The following USP34 variants were observed in gnomAD, a reference collection of about 807,000 sequenced individuals.
The protein encoded by USP34 is ubiquitin carboxyl-terminal hydrolase 34.
Under a neutral mutation model 460.3 loss-of-function variants are expected in USP34, and 70 were observed. The ratio of observed to expected loss-of-function variants is 0.15; its 90% CI spans 0.13 to 0.19. The LOEUF (loss-of-function observed/expected upper bound fraction) is 0.19. USP34 is among the 10% of genes least tolerant of loss of function. The pLI is 1.00. For synonymous variants in USP34, 1,647 were observed against 1,405.3 expected, an observed-to-expected ratio of 1.17 and a Z score of -3.85; for missense variants, 3,985 against 4,236.2, an observed-to-expected ratio of 0.94 and a Z score of 1.65.
chr2:61,439,614 C>T (rs772833905), intron 1 of USP34, among the ~76,000 whole-genome samples: 1 of 152,156 alleles, frequency 6.6e-6, no homozygotes, highest in African/African-American at 2.4e-5. Flanking sequence ...GGATATCTGA[C>T]GGGGACTCCT....
At chr2:61,422,243 G>T (rs1017321062) in intron 1 of USP34, among the ~76,000 whole-genome samples, 1 of 152,156 alleles carries the variant, frequency 6.6e-6, no homozygotes, top group Non-Finnish European at 1.5e-5. Context: ...ATCACAGTAC[G>T]CCATGCCAGT....
rs901049218 is a variant in USP34 at position 61,222,949 on chromosome 2, G to C, written c.7749+111C>G. ...TAGGCTCAAGCGATCCTCCCGCCTT[G>C]GCCTCCCAAAGTGCTGGGATTACAG... is the stretch of plus-strand genomic sequence containing the variant. On this transcript the variant is annotated intron_variant, in intron 64 of 79. Transcript: ENST00000398571. The C allele has an allele frequency of 4.2e-6, 4 of 948,572 alleles. No individual in the cohort carries two copies. In the East Asian group the frequency reaches 1.1e-4, roughly 25 times the overall value. The allele number at this position is 948,572 out of a possible 1,614,324, so 58.8% of individuals were successfully genotyped here.
At chr2:61,231,383 C>T (rs4671399) in intron 58 of USP34, among the ~76,000 whole-genome samples, 55,139 of 151,704 alleles carry the variant, frequency 0.36, 10,002 homozygotes, top group African/African-American at 0.38. Flanking sequence ...CTAAATTTTA[C>T]ATTTTGAAAG....
rs1032265623 is a variant in USP34 at position 61,303,469 on chromosome 2, T to C, written c.3818-2015A>G. Reference sequence around the variant, plus strand: ...ACTGAATAATCTAATAGCGATACCATTTTATAGTGTATTTTACTTTATTCA... The same window carrying C: ...ACTGAATAATCTAATAGCGATACCACTTTATAGTGTATTTTACTTTATTCA... On this transcript the variant is annotated intron_variant, in intron 27 of 79. Coordinates refer to ENST00000398571, the MANE Select transcript of USP34 (RefSeq NM_014709.4). Among the ~76,000 whole-genome samples, 4 of 152,192 alleles carry C rather than the reference T, an allele frequency of 2.6e-5. No homozygotes were observed. The South Asian group carries it at 8.3e-4, about 32-fold the overall frequency.
intron 30 of USP34, among the ~76,000 whole-genome samples, chr2:61,296,043 G>C (rs1690016869): frequency 6.6e-6 from 1 of 152,178 alleles, no homozygotes; most frequent in Non-Finnish European, 1.5e-5. Context: ...CAGATCATTT[G>C]AAGTCAGGAG....
At chr2:61,204,106 G>A in intron 74 of USP34, 150 bp downstream of exon 74, 4 of 1,057,920 alleles carry the variant, frequency 3.8e-6, no homozygotes, top group Non-Finnish European at 5.4e-6. Flanking sequence ...ACATTTCAGA[G>A]CACTAAAAGG....
intron 41 of USP34, among the ~76,000 whole-genome samples, chr2:61,272,714 C>T (rs1414902678): frequency 6.6e-6 from 1 of 152,142 alleles, no homozygotes; most frequent in African/African-American, 2.4e-5. Context: ...TTTCCCTTAA[C>T]ACTGAAACGA....
At chr2:61,457,569 G>C (rs762731189) in intron 1 of USP34, among the ~76,000 whole-genome samples, 12 of 152,064 alleles carry the variant, frequency 7.9e-5, no homozygotes, top group Non-Finnish European at 1.3e-4. Context: ...CTAATATCAC[G>C]AACTAGTAAA....
At chr2:61,192,263 G>C (rs1053524918) in intron 76 of USP34, among the ~76,000 whole-genome samples, 2 of 152,178 alleles carry the variant, frequency 1.3e-5, no homozygotes, top group Non-Finnish European at 2.9e-5. Flanking sequence ...AAAGGTAGTG[G>C]GGATCCTTTA....
At chr2:61,293,172 C>A (rs954579819) in intron 33 of USP34, among the ~76,000 whole-genome samples, 146 of 151,654 alleles carry the variant, frequency 9.6e-4, no homozygotes, top group Non-Finnish European at 8.8e-4. Context: ...TAAAAAGCAA[C>A]CAAACTTTAT....
intron 18 of USP34, 114 bp downstream of exon 18, chr2:61,339,237 G>C (rs568520847): frequency 1.9e-6 from 2 of 1,031,644 alleles, no homozygotes; most frequent in African/African-American, 3.3e-5. Context: ...CTAAAAAACA[G>C]ATTAATACAG....
intron 1 of USP34, among the ~76,000 whole-genome samples, chr2:61,461,753 A>G (rs997017269): frequency 3.9e-5 from 6 of 152,180 alleles, no homozygotes; most frequent in African/African-American, 1.4e-4. Flanking sequence ...CCTTTCTGGC[A>G]AGCAAACAGT....
At chr2:61,470,624 G>C in intron 1 of USP34, 26 bp downstream of exon 1, 3 of 1,561,136 alleles carry the variant, frequency 1.9e-6, no homozygotes, top group South Asian at 2.2e-5. Flanking sequence ...CGTGCACCCC[G>C]ACAGGCCGCT....
intron 1 of USP34, among the ~76,000 whole-genome samples, chr2:61,431,945 A>T (rs1694688256): frequency 6.6e-6 from 1 of 152,190 alleles, no homozygotes; most frequent in Non-Finnish European, 1.5e-5. Context: ...AGATAACAAT[A>T]ATTACCCCAA....
At chr2:61,302,940 A>G (rs1450500235) in intron 27 of USP34, among the ~76,000 whole-genome samples, 2 of 152,384 alleles carry the variant, frequency 1.3e-5, no homozygotes, top group South Asian at 2.1e-4. Context: ...CTGATAGAAC[A>G]TTTTAAAAAA....
In USP34 at chr2:61,280,248, C is replaced by T; in HGVS notation, c.5252G>A (p.Ser1751Asn). ...TATATAATTTTCTGAACATACCTGACTAGCGTCCTTTATATGTATGTTGTC... is the reference window on the plus strand; with the variant it reads ...TATATAATTTTCTGAACATACCTGATTAGCGTCCTTTATATGTATGTTGTC... ...LVDNIHIKDA[S>N]QTTLLDLDAL... The change falls in exon 39 of 80, where the codon AGT becomes AAT. Residue 1751 changes from serine (S) to asparagine (N), a missense_variant. Around this residue, in one of 14 missense-constraint regions of USP34, gnomAD observed 1,114 missense variants for 1,122.5 expected, o/e 0.99. Transcript: ENST00000398571. 6.5e-7 allele frequency: 1 copy of T among 1,534,192 alleles called. No homozygotes were observed. The highest frequency in any genetic ancestry group is 8.8e-7 in the Non-Finnish European group (1 of 1,136,370).
chr2:61,227,295 TA>T, intron 61 of USP34, 77 bp from the exon 62 acceptor site: 1 of 1,500,156 alleles, frequency 6.7e-7, no homozygotes, highest in Non-Finnish European at 9.0e-7. Context: ...TTGTTTTATG[TA>T]ACAGTGTAGA....
chr2:61,205,967 A>G (rs1687106726), intron 72 of USP34, 50 bp downstream of exon 72: 6 of 1,392,566 alleles, frequency 4.3e-6, no homozygotes, highest in Non-Finnish European at 6.1e-6. Context: ...AACTCACAAC[A>G]ATGTTCTTCC....
intron 32 of USP34, 48 bp from the exon 33 acceptor site, chr2:61,293,598 T>C: frequency 7.2e-7 from 1 of 1,398,444 alleles, no homozygotes; most frequent in Non-Finnish European, 1.0e-6. Flanking sequence ...AGATATATAA[T>C]GCAATAATGC....
Sources: allele counts gnomAD v4.1 joint callset (sites outside exome capture counted in the v4.1 genomes callset), GRCh38; gene constraint gnomAD v4.1.1; regional missense constraint gnomAD v4.1.1; transcripts MANE v1.5; gene names NCBI Gene and HGNC (gene_info 2026-07-23, HGNC 2026-07-21).